The following LRMDA variants were observed in gnomAD, a reference collection of about 807,000 sequenced individuals.
LRMDA encodes leucine-rich melanocyte differentiation-associated protein.
LRMDA carries 18 observed loss-of-function variants against 29.8 expected under a neutral mutation model. The observed-to-expected ratio is 0.60, with a 90% CI of 0.42 to 0.90. LRMDA has a LOEUF of 0.90. Among genes scored for constraint, LRMDA ranks in the 40% least tolerant of loss-of-function variants. LRMDA has a pLI of 0.00. For synonymous variants in LRMDA, 125 were observed against 109.4 expected (o/e 1.14, Z -0.89); for missense variants, 273 against 273.9 (o/e 1.00, Z 0.02).
intron 2 of LRMDA, among the ~76,000 whole-genome samples, chr10:75,534,487 AG>A (rs1839920652): frequency 2.0e-5 from 3 of 152,142 alleles, no homozygotes; most frequent in Admixed American, 1.3e-4. Context: ...TATATTTGGC[AG>A]GGGGGGATTC....
chr10:75,996,655 CAT>C (rs1217354279), intron 2 of LRMDA, among the ~76,000 whole-genome samples: 1 of 152,032 alleles, frequency 6.6e-6, no homozygotes, highest in Non-Finnish European at 1.5e-5. Flanking sequence ...CATCTGTTAA[CAT>C]AGCTGATCTC....
chr10:76,530,207 C>T (rs951542247), intron 6 of LRMDA, among the ~76,000 whole-genome samples: 1 of 152,150 alleles, frequency 6.6e-6, no homozygotes, highest in Admixed American at 6.6e-5. Flanking sequence ...AATTTGGAAA[C>T]ACTGCTAGTT....
intron 2 of LRMDA, among the ~76,000 whole-genome samples, chr10:75,948,007 T>C (rs569534357): frequency 1.3e-4 from 20 of 152,334 alleles, no homozygotes; most frequent in African/African-American, 4.1e-4. Flanking sequence ...CTTAGGTCCA[T>C]AGAAGGGCCT....
intron 2 of LRMDA, among the ~76,000 whole-genome samples, chr10:75,778,379 T>C (rs1843339888): frequency 6.6e-6 from 1 of 152,092 alleles, no homozygotes; most frequent in Non-Finnish European, 1.5e-5. Flanking sequence ...TGCCTGGCCT[T>C]GTCCGTCTAT....
chr10:75,696,374 T>A (rs1268894454), intron 2 of LRMDA, among the ~76,000 whole-genome samples: 1 of 152,210 alleles, frequency 6.6e-6, no homozygotes, highest in Non-Finnish European at 1.5e-5. Flanking sequence ...CTGAAGGGTC[T>A]TGCATTGGCA....
Position 76,518,239 on chromosome 10 carries a change from T to TCTAC in LRMDA, c.602-38954_602-38951dup, listed in dbSNP as rs536486873. On this transcript the variant is annotated intron_variant, in intron 6 of 6. Transcript: ENST00000611255. ...GAATATCTATCTATATATCTGTCTATCTACCTACCTACCTACCTATCCATC... is the reference window on the plus strand; with the variant it reads ...GAATATCTATCTATATATCTGTCTATCTACCTACCTACCTACCTACCTATCCATC... Among the ~76,000 whole-genome samples the TCTAC allele has an allele frequency of 3.5e-3, 533 of 151,912 alleles. 1 individual carries two copies. The highest frequency in any genetic ancestry group is 5.6e-3 in the Non-Finnish European group (381 of 67,872).
intron 5 of LRMDA, among the ~76,000 whole-genome samples, chr10:76,163,311 G>A (rs868125642): frequency 1.3e-5 from 2 of 152,164 alleles, no homozygotes; most frequent in South Asian, 2.1e-4. Flanking sequence ...GGGAGCTTGA[G>A]TGTGTAGAGA....
In LRMDA at chr10:76,176,966, A is replaced by G. The variant is rs911210029; in HGVS notation, c.516+118183A>G. On this transcript the variant is annotated intron_variant, in intron 5 of 6. Transcript: ENST00000611255. ...CACCATTTCAGACCTCCAAAAGTCT[A>G]GTTTATACCCATTGAGGCTGATTTT... Among the ~76,000 whole-genome samples the G allele has an allele frequency of 9.9e-5, 15 of 152,190 alleles. No homozygotes were observed. The South Asian group carries it at 3.1e-3, about 31-fold the overall frequency.
At chr10:76,135,318 G>A (rs991932255) in intron 5 of LRMDA, among the ~76,000 whole-genome samples, 6 of 152,188 alleles carry the variant, frequency 3.9e-5, no homozygotes, top group Admixed American at 3.9e-4. Flanking sequence ...CCAAATGGAG[G>A]CATGTGGTCC....
chr10:76,019,358 G>A (rs1039586735), intron 2 of LRMDA, among the ~76,000 whole-genome samples: 1 of 152,126 alleles, frequency 6.6e-6, no homozygotes. Flanking sequence ...TCACTGACCA[G>A]GAGGCAGCTG....
At chr10:76,539,718 C>T (rs1843331876) in intron 6 of LRMDA, among the ~76,000 whole-genome samples, 1 of 152,104 alleles carries the variant, frequency 6.6e-6, no homozygotes, top group Admixed American at 6.6e-5. Context: ...ATTGTTCAGT[C>T]TCAGAGCATT....
In LRMDA at chr10:75,799,680, T is replaced by TTGTGTGTGTG. The variant is rs57575125; in HGVS notation, c.132-236294_132-236285dup. The stretch of plus-strand genomic sequence containing the variant: ...CAGGTGTGTGTTACTATTCCTAGCT[T>TTGTGTGTGTG]TGTGTGTGTGTGTGTGTGTGTGTGT... On this transcript the variant is annotated intron_variant, in intron 2 of 6. Coordinates refer to ENST00000611255, the MANE Select transcript of LRMDA (RefSeq NM_001305581.2). 2.2e-3 allele frequency among the ~76,000 whole-genome samples: 302 copies of TTGTGTGTGTG among 136,200 alleles called. 2 individuals carry two copies. The highest frequency in any genetic ancestry group is 6.9e-3 in the African/African-American group (248 of 35,952). 89.4% of individuals were successfully genotyped at this position (136,200 alleles called of 152,430 possible).
rs879858672 is a variant in LRMDA, at chr10:76,276,061, TTCTCTCTTTCTTTC to T, written c.517-48324_517-48311del. Reference sequence around the variant, plus strand: ...TCTATCTATCTATCTATCTCTTTCTTTCTCTCTTTCTTTCTCTCTCTTTCTTTCTTTCTTTTGTT... The same window carrying T: ...TCTATCTATCTATCTATCTCTTTCTTTCTCTCTTTCTTTCTTTCTTTTGTT... On this transcript the variant is annotated intron_variant, in intron 5 of 6. Transcript: ENST00000611255. Among the ~76,000 whole-genome samples the T allele has an allele frequency of 3.2e-3, 479 of 147,990 alleles. 1 individual carries two copies. Among genetic ancestry groups the T allele is most frequent in the Non-Finnish European group, 5.9e-3 (395 of 66,730 alleles).
intron 5 of LRMDA, among the ~76,000 whole-genome samples, chr10:76,091,170 GT>G (rs1387573691): frequency 6.6e-6 from 1 of 152,154 alleles, no homozygotes; most frequent in East Asian, 1.9e-4. Context: ...TGTAAGGGTT[GT>G]AAAATAGCGA....
intron 5 of LRMDA, among the ~76,000 whole-genome samples, chr10:76,059,635 G>A (rs1198152109): frequency 6.6e-6 from 1 of 152,186 alleles, no homozygotes; most frequent in Non-Finnish European, 1.5e-5. Context: ...GAAAATGCTG[G>A]CACTGATATC....
chr10:76,138,959 T>C (rs993709587), intron 5 of LRMDA, among the ~76,000 whole-genome samples: 1 of 152,160 alleles, frequency 6.6e-6, no homozygotes, highest in Admixed American at 6.5e-5. Context: ...ATCGGCAATA[T>C]AAAAGAGTTA....
intron 5 of LRMDA, among the ~76,000 whole-genome samples, chr10:76,272,505 C>T (rs538951236): frequency 2.6e-5 from 4 of 152,252 alleles, no homozygotes; most frequent in South Asian, 2.1e-4. Context: ...GCATTAAATT[C>T]GGTTTACCTC....
rs572881040 is a variant in LRMDA at position 76,006,983 on chromosome 10, CGTGTGTGTGTGTGTGTGTGT to C, written c.132-28995_132-28976del. ...GCTAAAGTTTGCAGGATGGAGAAGG[CGTGTGTGTGTGTGTGTGTGT>C]GTGTGTGTGTGTGTGTGTGTGTGTG... On this transcript the variant is annotated intron_variant, in intron 2 of 6. Coordinates refer to ENST00000611255, the MANE Select transcript of LRMDA (RefSeq NM_001305581.2). Among the ~76,000 whole-genome samples the C allele has an allele frequency of 2.4e-3, 274 of 116,206 alleles. 4 individuals are homozygous for C. Among genetic ancestry groups the C allele is most frequent in the African/African-American group, 5.8e-3 (161 of 27,962 alleles). The allele number at this position is 116,206 out of a possible 152,430, so 76.2% of individuals were successfully genotyped here.
At chr10:76,473,851 TA>T (rs1351899293) in intron 6 of LRMDA, among the ~76,000 whole-genome samples, 2 of 151,500 alleles carry the variant, frequency 1.3e-5, no homozygotes, top group African/African-American at 4.8e-5. Context: ...GAAAATAACC[TA>T]AATAAATAGA....
Sources: gnomAD v4.1 joint callset for allele counts (sites outside exome capture counted in the v4.1 genomes callset) on GRCh38, gnomAD v4.1.1 for gene constraint, MANE v1.5 for transcripts, NCBI Gene and HGNC (gene_info 2026-07-23, HGNC 2026-07-21) for gene names.